Variants in GPC3 observed in about 807,000 individuals in gnomAD.
GPC3 encodes glypican-3.
In GPC3, 3 loss-of-function variants were observed where a neutral mutation model predicts 34.4. The ratio of observed to expected loss-of-function variants is 0.09; its 90% CI spans 0.04 to 0.23. The LOEUF is 0.23. Among genes scored for constraint, GPC3 ranks in the 10% least tolerant of loss-of-function variants. GPC3 has a pLI of 1.00. For missense variants in GPC3, 351 were observed against 445.6 expected, an observed-to-expected ratio of 0.79 and a Z score of 1.91; for synonymous variants, 177 against 174.0, an observed-to-expected ratio of 1.02 and a Z score of -0.13.
intron 5 of GPC3, among the ~76,000 whole-genome samples, chrX:133,679,676 A>G (rs1401857568): frequency 1.8e-5 from 2 of 110,768 alleles, no homozygotes; most frequent in African/African-American, 6.6e-5. Flanking sequence ...ATTTTTTGAG[A>G]CAGGGGATCA....
At chrX:133,911,629 G>A (rs935271119) in intron 2 of GPC3, among the ~76,000 whole-genome samples, 1 of 111,571 alleles carries the variant, frequency 9.0e-6, no homozygotes, top group Non-Finnish European at 1.9e-5. Flanking sequence ...ATAGATAACC[G>A]AAATTTCCCA....
At chrX:133,768,018 G>A (rs2071868297) in intron 2 of GPC3, among the ~76,000 whole-genome samples, 1 of 111,061 alleles carries the variant, frequency 9.0e-6, no homozygotes, top group African/African-American at 3.3e-5. Context: ...AAGTCAGCTG[G>A]TAGGAAAATA....
chrX:133,635,334 G>A (rs1027080234), intron 6 of GPC3, among the ~76,000 whole-genome samples: 1 of 111,706 alleles, frequency 9.0e-6, no homozygotes, highest in Non-Finnish European at 1.9e-5. Context: ...GTGAGGCCTG[G>A]AGGTCTCTGG....
In GPC3 at chrX:133,614,804, G is replaced by A. The variant is rs974050279; in HGVS notation, c.1414-18205C>T. Among the ~76,000 whole-genome samples, 4 of 111,473 alleles carry A rather than the reference G, an allele frequency of 3.6e-5. No individual in the cohort carries two copies. The Admixed American group carries it at 3.8e-4, about 11-fold the overall frequency. ...GATTAAAAATATTGATATGCCATTA[G>A]TTAGACTACCCAGAAACAGAGAGAA... On this transcript the variant is annotated intron_variant, in intron 6 of 7. Coordinates refer to ENST00000370818, the MANE Select transcript of GPC3 (RefSeq NM_004484.4).
intron 5 of GPC3, among the ~76,000 whole-genome samples, chrX:133,676,358 C>T (rs973569931): frequency 1.8e-5 from 2 of 112,378 alleles, no homozygotes; most frequent in African/African-American, 6.5e-5. Flanking sequence ...AGTGCATGGC[C>T]ATGGTGGGCA....
intron 6 of GPC3, among the ~76,000 whole-genome samples, chrX:133,613,383 C>T (rs953817149): frequency 1.8e-5 from 2 of 111,652 alleles, no homozygotes; most frequent in South Asian, 3.7e-4. Context: ...TGAGCTTGTA[C>T]ATAAAACAAC....
intron 2 of GPC3, among the ~76,000 whole-genome samples, chrX:133,760,502 G>C (rs185574360): frequency 1.8e-5 from 2 of 111,742 alleles, no homozygotes; most frequent in South Asian, 3.7e-4. Context: ...AATGTCTATT[G>C]CTAAGTGAAA....
chrX:133,612,262 T>C (rs916198419), intron 6 of GPC3, among the ~76,000 whole-genome samples: 7 of 112,175 alleles, frequency 6.2e-5, no homozygotes, highest in African/African-American at 2.3e-4. Context: ...AGTTCCTTTA[T>C]TTTTGGCATT....
intron 2 of GPC3, among the ~76,000 whole-genome samples, chrX:133,905,537 C>G (rs2076164234): frequency 8.9e-6 from 1 of 112,108 alleles, no homozygotes; most frequent in Admixed American, 9.5e-5. Context: ...GGAGATCACA[C>G]CTTCAGGTTA....
intron 2 of GPC3, among the ~76,000 whole-genome samples, chrX:133,756,405 C>T (rs1408797834): frequency 8.9e-6 from 1 of 112,266 alleles, no homozygotes; most frequent in African/African-American, 3.2e-5. Flanking sequence ...ACCCAAAGAC[C>T]AACAAAGCAG....
intron 2 of GPC3, among the ~76,000 whole-genome samples, chrX:133,814,658 C>T (rs1387412444): frequency 1.8e-5 from 2 of 110,782 alleles, no homozygotes; most frequent in African/African-American, 3.3e-5. Context: ...ACCTCCGCCT[C>T]CCAGGACCAA....
intron 3 of GPC3, among the ~76,000 whole-genome samples, chrX:133,702,426 A>G (rs1416486162): frequency 9.0e-6 from 1 of 111,448 alleles, no homozygotes; most frequent in Non-Finnish European, 1.9e-5. Context: ...CTTGACCTAC[A>G]CCTGTTCCCA....
intron 5 of GPC3, among the ~76,000 whole-genome samples, chrX:133,679,785 A>G (rs2070921837): frequency 1.8e-5 from 2 of 110,721 alleles, no homozygotes; most frequent in African/African-American, 3.3e-5. Flanking sequence ...CTCTCGGATA[A>G]TTGAAACTAG....
chrX:133,882,123 A>G (rs1428782098), intron 2 of GPC3, among the ~76,000 whole-genome samples: 1 of 111,746 alleles, frequency 8.9e-6, no homozygotes, highest in East Asian at 2.8e-4. Flanking sequence ...TAGTCGGAGG[A>G]CCAAGGCTTC....
At chrX:133,869,197 G>T (rs2075982694) in intron 2 of GPC3, among the ~76,000 whole-genome samples, 1 of 111,595 alleles carries the variant, frequency 9.0e-6, no homozygotes. Flanking sequence ...GAAACTGGGT[G>T]TCTCTAGAGG....
intron 7 of GPC3, among the ~76,000 whole-genome samples, chrX:133,560,605 G>A (rs2069532853): frequency 9.0e-6 from 1 of 111,306 alleles, no homozygotes; most frequent in African/African-American, 3.3e-5. Flanking sequence ...TGGGCGTGAT[G>A]GCCCATGCCT....
At chrX:133,874,573 A>C (rs2076007484) in intron 2 of GPC3, among the ~76,000 whole-genome samples, 1 of 112,107 alleles carries the variant, frequency 8.9e-6, no homozygotes, top group Non-Finnish European at 1.9e-5. Flanking sequence ...TACACATGTC[A>C]GTAGCACTTA....
intron 2 of GPC3, among the ~76,000 whole-genome samples, chrX:133,850,940 C>T (rs1484879074): frequency 1.1e-5 from 1 of 95,167 alleles, no homozygotes; most frequent in Admixed American, 1.1e-4. Flanking sequence ...ACTAAAAATA[C>T]AAAAAAAAAA....
intron 2 of GPC3, among the ~76,000 whole-genome samples, chrX:133,924,875 T>C (rs1326979934): frequency 3.6e-5 from 4 of 110,367 alleles, no homozygotes; most frequent in African/African-American, 1.3e-4. Flanking sequence ...AAGAGAAAAG[T>C]ATTCGTGGAA....
Sources: gnomAD v4.1 joint callset for allele counts (sites outside exome capture counted in the v4.1 genomes callset) on GRCh38, gnomAD v4.1.1 for gene constraint, MANE v1.5 for transcripts, NCBI Gene and HGNC (gene_info 2026-07-23, HGNC 2026-07-21) for gene names.